LAMA2: variants seen among roughly 807,000 people sequenced by gnomAD.
LAMA2 encodes laminin subunit alpha 2.
LAMA2 carries 269 observed loss-of-function variants against 364.8 expected under a neutral mutation model. The ratio of observed to expected loss-of-function variants is 0.74; its 90% CI spans 0.67 to 0.82. LAMA2 has a LOEUF of 0.82. LAMA2 is among the 40% of genes least tolerant of loss of function. LAMA2 has a pLI of 0.00. For missense variants in LAMA2, 3,807 were observed against 3,873.2 expected, an observed-to-expected ratio of 0.98 and a Z score of 0.45; for synonymous variants, 1,379 against 1,370.6, an observed-to-expected ratio of 1.01 and a Z score of -0.14.
At chr6:129,468,958 G>A (rs1029944578) in intron 51 of LAMA2, among the ~76,000 whole-genome samples, 4 of 151,868 alleles carry the variant, frequency 2.6e-5, no homozygotes, top group Admixed American at 6.6e-5. Context: ...AGTTGAGGGG[G>A]TAGGAGGGGT....
At chr6:129,209,729 C>T (rs1041491397) in intron 12 of LAMA2, among the ~76,000 whole-genome samples, 10 of 152,158 alleles carry the variant, frequency 6.6e-5, no homozygotes, top group Admixed American at 3.3e-4. Flanking sequence ...ATTGGCCGGG[C>T]GCGGTGGCTC....
chr6:129,088,374 T>C (rs1451316725), intron 3 of LAMA2, among the ~76,000 whole-genome samples: 5 of 148,032 alleles, frequency 3.4e-5, no homozygotes, highest in Admixed American at 2.7e-4. Context: ...AAAACCACCA[T>C]CATCATCATG....
intron 1 of LAMA2, among the ~76,000 whole-genome samples, chr6:128,993,118 C>G (rs980357457): frequency 1.3e-5 from 2 of 152,156 alleles, no homozygotes; most frequent in East Asian, 3.8e-4. Context: ...ACCCCAGCAA[C>G]GCCACTGATT....
intron 58 of LAMA2, among the ~76,000 whole-genome samples, chr6:129,494,725 T>A (rs1013915221): frequency 6.6e-6 from 1 of 152,198 alleles, no homozygotes; most frequent in African/African-American, 2.4e-5. Context: ...AAAGCATTCC[T>A]GAGATCTGCC....
chr6:129,112,020 T>C (rs570066340), intron 4 of LAMA2, among the ~76,000 whole-genome samples: 2 of 152,118 alleles, frequency 1.3e-5, no homozygotes, highest in South Asian at 2.1e-4. Context: ...TACCCTTATA[T>C]GTATTGTATA....
At chr6:128,903,754 AG>A (rs1777234665) in intron 1 of LAMA2, among the ~76,000 whole-genome samples, 1 of 152,072 alleles carries the variant, frequency 6.6e-6, no homozygotes, top group Admixed American at 6.5e-5. Flanking sequence ...TAAGATAAAG[AG>A]CTTGGCAAAT....
At chr6:129,313,567 A>G (rs1345832831) in intron 23 of LAMA2, among the ~76,000 whole-genome samples, 1 of 152,252 alleles carries the variant, frequency 6.6e-6, no homozygotes, top group Non-Finnish European at 1.5e-5. Flanking sequence ...TTCAACACAT[A>G]TAAACGCTGT....
chr6:129,446,836 A>T (rs1027260775), intron 45 of LAMA2, among the ~76,000 whole-genome samples: 1 of 152,196 alleles, frequency 6.6e-6, no homozygotes, highest in Admixed American at 6.5e-5. Flanking sequence ...ACTCCAAGAC[A>T]GTAAGTTCAA....
intron 34 of LAMA2, among the ~76,000 whole-genome samples, chr6:129,371,036 A>G (rs929072376): frequency 1.3e-5 from 2 of 152,236 alleles, no homozygotes; most frequent in Non-Finnish European, 2.9e-5. Context: ...AAATGTATGT[A>G]GACATTAGAT....
chr6:128,941,347 C>G (rs746709556), intron 1 of LAMA2, among the ~76,000 whole-genome samples: 5 of 152,094 alleles, frequency 3.3e-5, no homozygotes, highest in Admixed American at 6.5e-5. Context: ...CACTGTGGCT[C>G]TTGGAAAGGA....
At chr6:129,179,710 A>G (rs1024630829) in intron 10 of LAMA2, among the ~76,000 whole-genome samples, 2 of 152,226 alleles carry the variant, frequency 1.3e-5, no homozygotes, top group Non-Finnish European at 1.5e-5. Context: ...TAGCATTATT[A>G]AAATAAATGC....
chr6:129,325,367 T>C lies in LAMA2; in HGVS notation c.4177-2911T>C, dbSNP rs866573452. Among the ~76,000 whole-genome samples, 7 of 152,256 alleles carry C rather than the reference T, an allele frequency of 4.6e-5. No individual in the cohort carries two copies. In the South Asian group the frequency reaches 1.5e-3, roughly 32 times the overall value. On this transcript the variant is annotated intron_variant, in intron 28 of 64. Coordinates refer to ENST00000421865, the MANE Select transcript of LAMA2 (RefSeq NM_000426.4). ...ATTGTGTTCCAGAAAGGATTTTAGA[T>C]GGGACTCAAAAAGTAACTTTTTTGC...
Position 129,419,239 on chromosome 6 carries a change from A to G in LAMA2, c.5866-8513A>G, listed in dbSNP as rs76315902. The stretch of plus-strand genomic sequence containing the variant: ...ACACAGAACTCTTTTGAACAATGCC[A>G]CAATGCAATCTAAGTTTGATCTAAT... On this transcript the variant is annotated intron_variant, in intron 40 of 64. Coordinates refer to ENST00000421865, the MANE Select transcript of LAMA2 (RefSeq NM_000426.4). Among the ~76,000 whole-genome samples the G allele has an allele frequency of 7.9e-3, 1,198 of 152,294 alleles. 17 individuals are homozygous for G. Among genetic ancestry groups the G allele is most frequent in the African/African-American group, 0.028 (1,153 of 41,534 alleles).
chr6:129,437,374 A>C (rs895867696), intron 41 of LAMA2, among the ~76,000 whole-genome samples: 19 of 152,188 alleles, frequency 1.2e-4, no homozygotes, highest in African/African-American at 4.6e-4. Flanking sequence ...AAACTGAAGA[A>C]CACTAAATGC....
chr6:129,113,915 C>G (rs998945065), intron 4 of LAMA2, among the ~76,000 whole-genome samples: 9 of 151,968 alleles, frequency 5.9e-5, no homozygotes, highest in Non-Finnish European at 1.5e-5. Flanking sequence ...CATTTTATCC[C>G]TATCAGTGGA....
At chr6:128,909,652 G>T (rs1426467534) in intron 1 of LAMA2, among the ~76,000 whole-genome samples, 3 of 148,656 alleles carry the variant, frequency 2.0e-5, no homozygotes, top group Non-Finnish European at 4.5e-5. Context: ...AGTTAATATT[G>T]TTATGTGTGA....
chr6:129,130,955 C>A (rs986158374), intron 4 of LAMA2, among the ~76,000 whole-genome samples: 2 of 152,104 alleles, frequency 1.3e-5, no homozygotes, highest in Non-Finnish European at 2.9e-5. Flanking sequence ...CTCTTAAGCC[C>A]AACAGCAACA....
chr6:129,148,964 C>T lies in LAMA2; in HGVS notation c.910-15C>T. On this transcript the variant is annotated splice_polypyrimidine_tract_variant and intron_variant, in intron 6 of 64. Coordinates refer to ENST00000421865, the MANE Select transcript of LAMA2 (RefSeq NM_000426.4). ...ATGAGGCTAAAATTTGTGCTTCCTCCCTCTTTTTGACTAGAAATCTCGCTG... is the reference window on the plus strand; with the variant it reads ...ATGAGGCTAAAATTTGTGCTTCCTCTCTCTTTTTGACTAGAAATCTCGCTG... 6.3e-7 allele frequency: 1 copy of T among 1,575,568 alleles called. No individual in the cohort carries two copies. The highest frequency in any genetic ancestry group is 8.7e-7 in the Non-Finnish European group (1 of 1,144,962).
chr6:128,920,683 TTA>T (rs1778647871), intron 1 of LAMA2, among the ~76,000 whole-genome samples: 1 of 151,306 alleles, frequency 6.6e-6, no homozygotes, highest in East Asian at 1.9e-4. Flanking sequence ...TATATATATA[TTA>T]TATATACATG....
Sources: gnomAD v4.1 joint callset for allele counts (sites outside exome capture counted in the v4.1 genomes callset) on GRCh38, gnomAD v4.1.1 for gene constraint, MANE v1.5 for transcripts, NCBI Gene and HGNC (gene_info 2026-07-23, HGNC 2026-07-21) for gene names.